The following SDCCAG8 variants were observed in gnomAD, a reference collection of about 807,000 sequenced individuals.
The protein encoded by SDCCAG8 is serologically defined colon cancer antigen 8.
Under a neutral mutation model 101.8 loss-of-function variants are expected in SDCCAG8, and 74 were observed. The ratio of observed to expected loss-of-function variants is 0.73; its 90% confidence interval spans 0.60 to 0.88. The LOEUF is 0.88. Ranked by LOEUF, SDCCAG8 falls within the 40% of genes least tolerant of loss-of-function variation. The pLI is 0.00. For synonymous variants in SDCCAG8, 281 were observed against 292.9 expected (o/e 0.96, Z 0.41); for missense variants, 787 against 822.6 (o/e 0.96, Z 0.53).
intron 12 of SDCCAG8, among the ~76,000 whole-genome samples, chr1:243,358,537 A>G (rs1302659930): frequency 6.6e-6 from 1 of 152,210 alleles, no homozygotes; most frequent in African/African-American, 2.4e-5. Context: ...TACAGGCTGA[A>G]AAATATTCGG....
rs978177743 is a variant in SDCCAG8, at chr1:243,483,462, G to T, written c.1986-5552G>T. 8.5e-4 allele frequency among the ~76,000 whole-genome samples: 129 copies of T among 152,184 alleles called. 2 individuals carry two copies. Among genetic ancestry groups the T allele is most frequent in the Admixed American group, 8.4e-3 (129 of 15,296 alleles). On this transcript the variant is annotated intron_variant, in intron 16 of 17. Transcript: ENST00000366541. ...GGAGGGTCTCAGTCTTCTGCCTAAG[G>T]CGCCCTCCTCCCTTGGGAAGTCCGC...
chr1:243,356,098 C>A (rs1338017803), intron 12 of SDCCAG8, among the ~76,000 whole-genome samples: 1 of 151,994 alleles, frequency 6.6e-6, no homozygotes, highest in Non-Finnish European at 1.5e-5. Flanking sequence ...ATGTGTATAG[C>A]AAATTAAGCT....
At chr1:243,392,977 T>A (rs2078796772) in intron 13 of SDCCAG8, among the ~76,000 whole-genome samples, 1 of 151,860 alleles carries the variant, frequency 6.6e-6, no homozygotes, top group South Asian at 2.1e-4. Context: ...ACCTCCTTTT[T>A]GTCAAAAATG....
At chr1:243,312,898 C>T (rs992520495) in intron 8 of SDCCAG8, among the ~76,000 whole-genome samples, 1 of 152,062 alleles carries the variant, frequency 6.6e-6, no homozygotes, top group African/African-American at 2.4e-5. Flanking sequence ...ATATTGTTTC[C>T]GACCTTTCGC....
chr1:243,276,101 A>ATCCG (rs1462237333), intron 4 of SDCCAG8, among the ~76,000 whole-genome samples: 13 of 151,860 alleles, frequency 8.6e-5, no homozygotes, highest in African/African-American at 3.1e-4. Context: ...TGACCTCGTG[A>ATCCG]TCCGTCCGCC....
intron 4 of SDCCAG8, among the ~76,000 whole-genome samples, 187 bp downstream of exon 4, chr1:243,274,843 T>C (rs967359968): frequency 2.6e-5 from 4 of 152,218 alleles, no homozygotes; most frequent in Admixed American, 2.6e-4. Flanking sequence ...CTCTTGACCA[T>C]ACCATTTCTG....
chr1:243,472,831 A>G (rs919012266), intron 16 of SDCCAG8, among the ~76,000 whole-genome samples: 8 of 152,224 alleles, frequency 5.3e-5, no homozygotes, highest in Admixed American at 6.5e-5. Context: ...AACAACTTTT[A>G]CTATCTTAAA....
chr1:243,425,054 G>A lies in SDCCAG8; in HGVS notation c.1854-1373G>A, dbSNP rs530196123. On this transcript the variant is annotated intron_variant, in intron 15 of 17. Coordinates refer to ENST00000366541, the MANE Select transcript of SDCCAG8 (RefSeq NM_006642.5). ...TGTATGTGATTCTGAAAGGAGAAAC[G>A]TAAGTCATTATTAACTCCTTTCGGA... 6.2e-4 allele frequency among the ~76,000 whole-genome samples: 95 copies of A among 152,152 alleles called. 1 individual carries two copies. Among genetic ancestry groups the A allele is most frequent in the African/African-American group, 2.0e-3 (85 of 41,534 alleles).
At position 243,286,380 on chromosome 1, in the gene SDCCAG8, A is replaced by C; in HGVS notation, c.529A>C (p.Thr177Pro). ...QRQEETLREQ[T>P]LLDASGNMHN... ...ACAAGAGGAGACACTGAGGGAACAA[A>C]CACTTCTGGATGCATCCGTGAGCAT... Residue 177 changes from threonine (T) to proline (P), a missense_variant, in exon 5 of 18, where the codon ACA becomes CCA. Physicochemically the swap from Thr to Pro is conservative, Grantham distance 38. Coordinates refer to ENST00000366541, the MANE Select transcript of SDCCAG8 (RefSeq NM_006642.5). 6.2e-7 allele frequency: 1 copy of C among 1,614,106 alleles called. No individual in the cohort carries two copies. Among genetic ancestry groups the C allele is most frequent in the Non-Finnish European group, 8.5e-7 (1 of 1,179,950 alleles).
intron 6 of SDCCAG8, among the ~76,000 whole-genome samples, chr1:243,303,078 G>T (rs1269077026): frequency 6.6e-6 from 1 of 152,240 alleles, no homozygotes; most frequent in Non-Finnish European, 1.5e-5. Flanking sequence ...AGGGTTTCAA[G>T]ATAGAGATCT....
At chr1:243,283,913 T>C (rs1233446355) in intron 4 of SDCCAG8, among the ~76,000 whole-genome samples, 2 of 152,062 alleles carry the variant, frequency 1.3e-5, no homozygotes, top group Non-Finnish European at 2.9e-5. Context: ...GCTAGTTTTT[T>C]TTGCATTTTT....
At position 243,446,512 on chromosome 1, in the gene SDCCAG8, C is replaced by T. The variant is rs1056286160; in HGVS notation, c.1985+19954C>T. The stretch of plus-strand genomic sequence containing the variant: ...AACTCCTGGGCTCAAGCCATCTGCC[C>T]ACCTTGGCCTCCCATTGGGATTATA... On this transcript the variant is annotated intron_variant, in intron 16 of 17. Coordinates refer to ENST00000366541, the MANE Select transcript of SDCCAG8 (RefSeq NM_006642.5). Among the ~76,000 whole-genome samples the T allele has an allele frequency of 2.6e-5, 4 of 152,192 alleles. No individual in the cohort carries two copies. The East Asian group carries it at 5.8e-4, about 22-fold the overall frequency.
intron 4 of SDCCAG8, among the ~76,000 whole-genome samples, chr1:243,276,094 C>G (rs1411412511): frequency 6.6e-6 from 1 of 151,944 alleles, no homozygotes; most frequent in East Asian, 1.9e-4. Flanking sequence ...GATCTCTTGA[C>G]CTCGTGATCC....
At chr1:243,480,791 G>T (rs1394916654) in intron 16 of SDCCAG8, among the ~76,000 whole-genome samples, 48 of 59,248 alleles carry the variant, frequency 8.1e-4, no homozygotes, top group African/African-American at 3.7e-3. Context: ...ATGGATGGGT[G>T]GGATGGATGG....
chr1:243,277,497 G>A (rs913697635), intron 4 of SDCCAG8, among the ~76,000 whole-genome samples: 4 of 152,100 alleles, frequency 2.6e-5, no homozygotes, highest in Non-Finnish European at 5.9e-5. Flanking sequence ...CAGGTTATTC[G>A]TTTTCTTAGT....
rs541483873 is a variant in SDCCAG8, at chr1:243,488,923, A to G, written c.1986-91A>G. On this transcript the variant is annotated intron_variant, in intron 16 of 17. Transcript: ENST00000366541. ...CTAGGCGTCCTGCTCATGGTTCCCT[A>G]TCAGGGGCTTCCCTCAGATACACAC... 3.1e-6 allele frequency: 5 copies of G among 1,594,480 alleles called. No homozygotes were observed. In the African/African-American group the frequency reaches 6.7e-5, roughly 21 times the overall value.
chr1:243,331,726 G>T (rs1273432961), intron 10 of SDCCAG8, among the ~76,000 whole-genome samples: 1 of 152,132 alleles, frequency 6.6e-6, no homozygotes, highest in Non-Finnish European at 1.5e-5. Flanking sequence ...CAGGTCTTCG[G>T]TGTCCACGGT....
intron 4 of SDCCAG8, 73 bp downstream of exon 4, chr1:243,274,729 G>T: frequency 1.1e-6 from 1 of 921,066 alleles, no homozygotes; most frequent in African/African-American, 1.7e-5. Context: ...ATTAAAATTT[G>T]CTGCTATAAA....
intron 7 of SDCCAG8, chr1:243,307,307 G>T: frequency 1.4e-5 from 4 of 277,178 alleles, no homozygotes; most frequent in East Asian, 2.2e-4. Flanking sequence ...CCTTTCTTTA[G>T]CAGCCTGTAT....
Sources: gnomAD v4.1 joint callset for allele counts (sites outside exome capture counted in the v4.1 genomes callset) on GRCh38, gnomAD v4.1.1 for gene constraint, MANE v1.5 for transcripts, NCBI Gene and HGNC (gene_info 2026-07-23, HGNC 2026-07-21) for gene names.